Variants in DOCK4 observed in about 807,000 individuals in gnomAD.
The protein encoded by DOCK4 is dedicator of cytokinesis protein 4.
DOCK4 carries 97 observed loss-of-function variants against 268.1 expected under a neutral mutation model. The observed-to-expected ratio is 0.36, with a 90% confidence interval of 0.31 to 0.43. The LOEUF (loss-of-function observed/expected upper bound fraction) is 0.43, where lower values mean the gene tolerates loss of function less well. Among genes scored for constraint, DOCK4 ranks in the 20% least tolerant of loss-of-function variants. The pLI, the probability that DOCK4 is intolerant of heterozygous loss-of-function variation, is 1.00. For missense variants in DOCK4, 2,145 were observed against 2,455.7 expected (o/e 0.87, Z 2.67); for synonymous variants, 954 against 887.2 (o/e 1.08, Z -1.34).
At chr7:112,075,205 A>G (rs1807952350) in intron 1 of DOCK4, among the ~76,000 whole-genome samples, 1 of 152,234 alleles carries the variant, frequency 6.6e-6, no homozygotes, top group Non-Finnish European at 1.5e-5. Context: ...CAGGCACTTA[A>G]AAGAAGGTAT....
intron 1 of DOCK4, among the ~76,000 whole-genome samples, chr7:112,033,056 GCAAA>G (rs1357913020): frequency 3.9e-5 from 6 of 152,054 alleles, no homozygotes; most frequent in Non-Finnish European, 8.8e-5. Context: ...ATCTGAGTAA[GCAAA>G]CAATCTAGTA....
chr7:112,070,234 T>G (rs530512576), intron 1 of DOCK4, among the ~76,000 whole-genome samples: 7 of 152,240 alleles, frequency 4.6e-5, no homozygotes, highest in Admixed American at 2.6e-4. Context: ...AAAAGACTAT[T>G]TAGGATGTGG....
At chr7:112,049,663 G>A (rs1300634226) in intron 1 of DOCK4, among the ~76,000 whole-genome samples, 1 of 152,008 alleles carries the variant, frequency 6.6e-6, no homozygotes, top group Non-Finnish European at 1.5e-5. Flanking sequence ...CACATATAAA[G>A]GCACAAGTTA....
In DOCK4 at chr7:111,995,037, T is replaced by G. The variant is rs186592008; in HGVS notation, c.219-806A>C. On this transcript the variant is annotated intron_variant, in intron 4 of 52. Transcript: ENST00000428084. Reference sequence around the variant, plus strand: ...GGGGAAATAAAAGAGAAGTTTTGTGTTTTTTTTTTTTGAGAACAGAGTCTT... The same window carrying G: ...GGGGAAATAAAAGAGAAGTTTTGTGGTTTTTTTTTTTGAGAACAGAGTCTT... 7.0e-3 allele frequency among the ~76,000 whole-genome samples: 754 copies of G among 107,876 alleles called. 10 individuals are homozygous for G. The highest frequency in any genetic ancestry group is 0.028 in the African/African-American group (710 of 25,244). The allele number at this position is 107,876 out of a possible 152,430, so 70.8% of individuals were successfully genotyped here.
At chr7:112,182,656 A>G (rs1417178126) in intron 1 of DOCK4, among the ~76,000 whole-genome samples, 1 of 152,248 alleles carries the variant, frequency 6.6e-6, no homozygotes, top group East Asian at 1.9e-4. Context: ...AGGAAACTAT[A>G]GGTCCAGAAA....
At chr7:111,994,342 C>T (rs1799760745) in intron 4 of DOCK4, 111 bp from the exon 5 acceptor site, 5 of 587,720 alleles carry the variant, frequency 8.5e-6, no homozygotes, top group Non-Finnish European at 1.4e-5. Flanking sequence ...ATTGTTCGTT[C>T]TACAGACAGT....
intron 12 of DOCK4, among the ~76,000 whole-genome samples, chr7:111,917,919 A>T (rs956614523): frequency 1.3e-5 from 2 of 152,204 alleles, no homozygotes; most frequent in Non-Finnish European, 2.9e-5. Context: ...TGTGATGAAA[A>T]AAATGCAAAG....
intron 27 of DOCK4, among the ~76,000 whole-genome samples, chr7:111,814,513 A>G (rs1254288792): frequency 6.6e-6 from 1 of 152,062 alleles, no homozygotes; most frequent in Non-Finnish European, 1.5e-5. Context: ...TCAAACTTTA[A>G]CAGGTACCTG....
chr7:111,784,426 T>C (rs1002560124), intron 32 of DOCK4: 2 of 592,924 alleles, frequency 3.4e-6, no homozygotes, highest in African/African-American at 3.6e-5. Context: ...TTTACTGCAA[T>C]GCAACTGCTA....
At chr7:111,791,070 T>TATATATATATATATATATA (rs1554593887) in intron 30 of DOCK4, among the ~76,000 whole-genome samples, 1 of 95,484 alleles carries the variant, frequency 1.0e-5, no homozygotes, top group African/African-American at 6.1e-5. Flanking sequence ...AAAAAAAAAA[T>TATATATATATATATATATA]TATATATATA....
intron 49 of DOCK4, among the ~76,000 whole-genome samples, chr7:111,738,700 G>A (rs1018852908): frequency 1.3e-5 from 2 of 152,204 alleles, no homozygotes; most frequent in Non-Finnish European, 2.9e-5. Flanking sequence ...CACTTTGGGA[G>A]GCCAAGGCAG....
intron 41 of DOCK4, 31 bp downstream of exon 41, chr7:111,758,593 G>A: frequency 1.2e-6 from 2 of 1,610,872 alleles, no homozygotes; most frequent in Middle Eastern, 1.7e-4. Flanking sequence ...TCTATCTGAG[G>A]AGTTAGCATG....
chr7:111,962,151 C>T lies in DOCK4; in HGVS notation c.701+14981G>A, dbSNP rs1015598193. Among the ~76,000 whole-genome samples, 30 of 152,102 alleles carry T rather than the reference C, an allele frequency of 2.0e-4. 1 individual carries two copies. Among genetic ancestry groups the T allele is most frequent in the Admixed American group, 1.7e-3 (26 of 15,268 alleles). On this transcript the variant is annotated intron_variant, in intron 8 of 52. Transcript: ENST00000428084. ...AAATCACACCTCTGATTCCATTTTA[C>T]CTTTTACTAGTAGGTCTCTCTAAAT... is the stretch of plus-strand genomic sequence containing the variant.
At chr7:112,149,789 C>A (rs985112029) in intron 1 of DOCK4, among the ~76,000 whole-genome samples, 1 of 152,182 alleles carries the variant, frequency 6.6e-6, no homozygotes, top group African/African-American at 2.4e-5. Flanking sequence ...GGCCAAAGCA[C>A]CTGATATGCT....
chr7:111,981,066 A>G (rs1162701923), intron 7 of DOCK4, among the ~76,000 whole-genome samples: 4 of 152,238 alleles, frequency 2.6e-5, no homozygotes, highest in Non-Finnish European at 5.9e-5. Flanking sequence ...AACTAAAGTG[A>G]GACTTTTTTT....
intron 1 of DOCK4, among the ~76,000 whole-genome samples, chr7:112,033,212 T>C (rs1291527763): frequency 2.6e-5 from 4 of 152,170 alleles, no homozygotes; most frequent in Middle Eastern, 3.2e-3. Context: ...GCTTCTTCAT[T>C]GTTCTAGAGT....
chr7:111,931,823 T>A (rs1794224876), intron 12 of DOCK4, among the ~76,000 whole-genome samples: 2 of 152,216 alleles, frequency 1.3e-5, no homozygotes, highest in Non-Finnish European at 2.9e-5. Context: ...CCATGTATGA[T>A]GTCCTGTGGT....
At chr7:112,073,008 A>G (rs751297057) in intron 1 of DOCK4, among the ~76,000 whole-genome samples, 10 of 152,296 alleles carry the variant, frequency 6.6e-5, no homozygotes, top group Middle Eastern at 3.4e-3. Flanking sequence ...AGAAGGGATC[A>G]CAACACCCCC....
At chr7:112,137,662 A>C (rs1023371608) in intron 1 of DOCK4, among the ~76,000 whole-genome samples, 3 of 152,196 alleles carry the variant, frequency 2.0e-5, no homozygotes, top group Admixed American at 2.0e-4. Flanking sequence ...ATAATATTTT[A>C]CATAAGGTTG....
Sources: gnomAD v4.1 joint callset for allele counts (sites outside exome capture counted in the v4.1 genomes callset) on GRCh38, gnomAD v4.1.1 for gene constraint, MANE v1.5 for transcripts, NCBI Gene and HGNC (gene_info 2026-07-23, HGNC 2026-07-21) for gene names.